Variants in FRMD5 observed in about 807,000 individuals in gnomAD.
FRMD5 encodes FERM domain containing 5.
A neutral mutation model predicts 69.0 loss-of-function variants in FRMD5; 20 were observed. The ratio of observed to expected loss-of-function variants is 0.29; its 90% CI spans 0.20 to 0.42. FRMD5 has a LOEUF of 0.42. Among genes scored for constraint, FRMD5 ranks in the 10% least tolerant of loss-of-function variants. The pLI, the probability that FRMD5 is intolerant of heterozygous loss-of-function variation, is 1.00. For missense variants in FRMD5, 595 were observed against 708.6 expected (o/e 0.84, Z 1.82); for synonymous variants, 271 against 260.1 (o/e 1.04, Z -0.40).
chr15:43,928,844 A>C (rs2089629688), intron 1 of FRMD5, among the ~76,000 whole-genome samples: 1 of 152,246 alleles, frequency 6.6e-6, no homozygotes, highest in Non-Finnish European at 1.5e-5. Context: ...TCACAAAGTC[A>C]GAGCTCCAAG....
chr15:44,122,898 A>T (rs12908068), intron 1 of FRMD5, among the ~76,000 whole-genome samples: 9 of 135,096 alleles, frequency 6.7e-5, no homozygotes, highest in Non-Finnish European at 1.2e-4. Context: ...ATCAAAAAAA[A>T]TTTAAAAAAA....
At chr15:43,939,090 C>T (rs1290441292) in intron 1 of FRMD5, among the ~76,000 whole-genome samples, 3 of 151,548 alleles carry the variant, frequency 2.0e-5, no homozygotes, top group Middle Eastern at 6.3e-3. Context: ...TGGCAGGTCT[C>T]GAACCCCTGA....
At chr15:44,089,647 G>A (rs1402698101) in intron 1 of FRMD5, among the ~76,000 whole-genome samples, 1 of 152,068 alleles carries the variant, frequency 6.6e-6, no homozygotes, top group African/African-American at 2.4e-5. Context: ...AGCTTGCAGT[G>A]AGCCAAAGTC....
chr15:44,131,733 C>T (rs2077100729), intron 1 of FRMD5, among the ~76,000 whole-genome samples: 2 of 152,336 alleles, frequency 1.3e-5, no homozygotes, highest in African/African-American at 4.8e-5. Flanking sequence ...AAGGTACTTA[C>T]ACTAGTTAAA....
At chr15:43,906,431 C>T (rs1464983978) in intron 5 of FRMD5, among the ~76,000 whole-genome samples, 1 of 152,070 alleles carries the variant, frequency 6.6e-6, no homozygotes, top group African/African-American at 2.4e-5. Context: ...GAATGAGCTG[C>T]GATCCAAATT....
intron 1 of FRMD5, among the ~76,000 whole-genome samples, chr15:44,140,638 GGA>G (rs1566967374): frequency 6.6e-6 from 1 of 152,022 alleles, no homozygotes; most frequent in East Asian, 1.9e-4. Flanking sequence ...CAGCACTTTA[GGA>G]GGCCGAGGCA....
intron 1 of FRMD5, among the ~76,000 whole-genome samples, chr15:44,111,984 C>G (rs1362201001): frequency 6.6e-6 from 1 of 152,040 alleles, no homozygotes; most frequent in Non-Finnish European, 1.5e-5. Context: ...GCTGGGACTA[C>G]AGGTGCCCGC....
intron 1 of FRMD5, among the ~76,000 whole-genome samples, chr15:44,020,120 T>C (rs964036254): frequency 6.6e-6 from 1 of 152,198 alleles, no homozygotes; most frequent in Non-Finnish European, 1.5e-5. Flanking sequence ...GTATATGGTA[T>C]GATATCATAT....
At chr15:44,158,411 A>T (rs2077560082) in intron 1 of FRMD5, among the ~76,000 whole-genome samples, 1 of 152,194 alleles carries the variant, frequency 6.6e-6, no homozygotes, top group Non-Finnish European at 1.5e-5. Flanking sequence ...CACCAAAATA[A>T]TAAGACTTCC....
intron 1 of FRMD5, among the ~76,000 whole-genome samples, chr15:43,967,490 C>T (rs967425808): frequency 2.0e-5 from 3 of 152,094 alleles, no homozygotes; most frequent in Admixed American, 2.0e-4. Context: ...CTCGACCTCC[C>T]AAAGTGCTAG....
chr15:43,966,353 G>GC (rs1399340859), intron 1 of FRMD5, among the ~76,000 whole-genome samples: 1 of 152,084 alleles, frequency 6.6e-6, no homozygotes. Context: ...CAGCCTGGGA[G>GC]ACAGAGTGAG....
At chr15:43,960,313 G>A (rs151153314) in intron 1 of FRMD5, among the ~76,000 whole-genome samples, 2,349 of 151,366 alleles carry the variant, frequency 0.016, 53 homozygotes, top group African/African-American at 0.052. Context: ...GCAGTGGCGC[G>A]ATCTTGGCTC....
intron 1 of FRMD5, among the ~76,000 whole-genome samples, chr15:43,934,749 T>C (rs965653955): frequency 1.3e-5 from 2 of 152,190 alleles, no homozygotes; most frequent in Non-Finnish European, 2.9e-5. Context: ...CGTTGCAAGA[T>C]CTTCTCAGAG....
intron 13 of FRMD5, among the ~76,000 whole-genome samples, chr15:43,877,466 A>AGCC (rs2088395045): frequency 6.6e-6 from 1 of 152,222 alleles, no homozygotes; most frequent in Non-Finnish European, 1.5e-5. Context: ...GCACCCAGGC[A>AGCC]GCCTGCCTGA....
intron 1 of FRMD5, among the ~76,000 whole-genome samples, chr15:44,013,790 A>G (rs1193633129): frequency 2.0e-5 from 3 of 151,866 alleles, no homozygotes; most frequent in African/African-American, 7.3e-5. Flanking sequence ...CCTATAAGGA[A>G]AGTTAGAGGA....
intron 13 of FRMD5, among the ~76,000 whole-genome samples, chr15:43,879,277 C>T: frequency 6.6e-6 from 1 of 152,226 alleles, no homozygotes; most frequent in East Asian, 1.9e-4. Flanking sequence ...AATACAGTTG[C>T]TCAGTAAATA....
chr15:43,888,336 C>G (rs1230664320), intron 9 of FRMD5, 70 bp from the exon 10 acceptor site: 1 of 1,099,512 alleles, frequency 9.1e-7, no homozygotes, highest in African/African-American at 1.5e-5. Flanking sequence ...GGCGAGGACC[C>G]TGACCCCAGA....
chr15:44,191,898 T>A (rs933892568), intron 1 of FRMD5, among the ~76,000 whole-genome samples: 2 of 256 alleles, frequency 7.8e-3, no homozygotes, highest in African/African-American at 0.014. Context: ...GGTAAATATA[T>A]ATATATATAT....
Position 44,183,976 on chromosome 15 carries a change from C to CA in FRMD5, c.102+10976dup, listed in dbSNP as rs71421823. Among the ~76,000 whole-genome samples the CA allele has an allele frequency of 4.0e-3, 493 of 123,806 alleles. 3 individuals carry two copies. Among genetic ancestry groups the CA allele is most frequent in the African/African-American group, 9.4e-3 (317 of 33,676 alleles). 81.2% of individuals were successfully genotyped at this position (123,806 alleles called of 152,430 possible). On this transcript the variant is annotated intron_variant, in intron 1 of 13. Coordinates refer to ENST00000417257, the MANE Select transcript of FRMD5 (RefSeq NM_032892.5). ...TGGGCGACAGAGCAAGTCTCCGTCT[C>CA]AAAAAAAAAAAAAAAGATCTCCAAT...
Sources: gnomAD v4.1 joint callset for allele counts (sites outside exome capture counted in the v4.1 genomes callset) on GRCh38, gnomAD v4.1.1 for gene constraint, MANE v1.5 for transcripts, NCBI Gene and HGNC (gene_info 2026-07-23, HGNC 2026-07-21) for gene names.